The following PNKP variants were observed in gnomAD, a reference collection of about 807,000 sequenced individuals.
PNKP encodes bifunctional polynucleotide phosphatase/kinase.
Under a neutral mutation model 66.2 loss-of-function variants are expected in PNKP, and 82 were observed. The observed-to-expected ratio is 1.24, with a 90% CI of 1.04 to 1.49. PNKP has a LOEUF of 1.49. Ranked by LOEUF, PNKP falls within the 40% of genes most tolerant of loss-of-function variation. The pLI is 0.00. For synonymous variants in PNKP, 412 were observed against 298.9 expected, an observed-to-expected ratio of 1.38 and a Z score of -3.90; for missense variants, 907 against 706.8, an observed-to-expected ratio of 1.28 and a Z score of -3.21.
chr19:49,865,081 G>T, intron 4 of PNKP, 46 bp downstream of exon 4: 2 of 1,555,072 alleles, frequency 1.3e-6, no homozygotes, highest in South Asian at 1.1e-5. Context: ...CGTGGGATTG[G>T]GTCCCAGTCT....
chr19:49,866,969 A>C, intron 2 of PNKP, 85 bp downstream of exon 2: 6 of 1,361,882 alleles, frequency 4.4e-6, no homozygotes, highest in South Asian at 1.2e-5. Context: ...GCACCACTGC[A>C]ATCCCGCGTA....
intron 3 of PNKP, chr19:49,866,175 AT>A (rs1276391907): frequency 3.5e-6 from 2 of 574,576 alleles, no homozygotes; most frequent in African/African-American, 4.0e-5. Flanking sequence ...ATTCCCGCTA[AT>A]TTTTTAGAGA....
At position 49,865,218 on chromosome 19, in the gene PNKP, G is replaced by C. The variant is rs11555414; in HGVS notation, c.407C>G (p.Pro136Arg). ...SQDEKRDAEL[P>R]KKRMRKSNPG... The stretch of plus-strand genomic sequence containing the variant: ...GTTTGACTTCCGCATACGCTTCTTC[G>C]GCAGCTCAGCATCTCTCTTCTCATC... Residue 136 changes from proline (P) to arginine (R), a missense_variant, in exon 4 of 17, where the codon CCG (proline) becomes CGG (arginine). Transcript: ENST00000322344. The C allele has an allele frequency of 3.1e-6, 5 of 1,614,122 alleles. No homozygotes were observed. The Admixed American group carries it at 6.7e-5, about 22-fold the overall frequency.
chr19:49,862,892 C>T, intron 8 of PNKP, 154 bp from the exon 9 acceptor site: 1 of 796,298 alleles, frequency 1.3e-6, no homozygotes, highest in East Asian at 2.7e-5. Flanking sequence ...GCACCGTGCT[C>T]CTGGCCCCCT....
At chr19:49,865,768 C>CTA (rs1275156791) in intron 3 of PNKP, among the ~76,000 whole-genome samples, 11 of 151,766 alleles carry the variant, frequency 7.2e-5, no homozygotes, top group African/African-American at 2.4e-4. Context: ...CACCCGCCAC[C>CTA]ATGCCCCGCT....
Position 49,862,538 on chromosome 19 carries a change from C to G in PNKP, c.936G>C (p.Leu312=). The G allele has an allele frequency of 6.2e-7, 1 of 1,609,266 alleles. No homozygotes were observed. The highest frequency in any genetic ancestry group is 8.5e-7 in the Non-Finnish European group (1 of 1,177,766). ...KKKDFSCADR[L]FALNLGLPFA... ...GCGGGGCAGGGGGCAGGGGCCTCAC[C>G]AGGCGATCGGCGCAGGAGAAGTCTT... The change falls in exon 10 of 17, where the codon CTG becomes CTC. Residue 312 remains leucine, a splice_region_variant and synonymous_variant. Coordinates refer to ENST00000322344, the MANE Select transcript of PNKP (RefSeq NM_007254.4).
At chr19:49,866,562 T>C (rs753321084) in intron 2 of PNKP, 117 bp from the exon 3 acceptor site, 2 of 964,272 alleles carry the variant, frequency 2.1e-6, no homozygotes, top group Non-Finnish European at 3.4e-6. Context: ...GCAGTTTATT[T>C]CTACATGGGA....
intron 15 of PNKP, 21 bp from the exon 16 acceptor site, chr19:49,861,531 G>A: frequency 6.2e-7 from 1 of 1,612,138 alleles, no homozygotes; most frequent in East Asian, 2.2e-5. Context: ...CATCAGAGGG[G>A]CGGCAGGCCC....
chr19:49,861,904 A>C (rs754158913), intron 13 of PNKP, 23 bp from the exon 14 acceptor site: 7 of 1,579,164 alleles, frequency 4.4e-6, no homozygotes, highest in Non-Finnish European at 6.0e-6. Context: ...GAGGTCACAA[A>C]CAGATCGGCA....
Position 49,866,037 on chromosome 19 carries a change from G to A in PNKP, c.198+362C>T, listed in dbSNP as rs903770224. 6 of 349,378 alleles carry A rather than the reference G, an allele frequency of 1.7e-5. No individual in the cohort carries two copies. The East Asian group carries it at 3.4e-4, about 20-fold the overall frequency. 21.6% of individuals were successfully genotyped at this position (349,378 alleles called of 1,614,324 possible). A position where few individuals can be genotyped will look rare whatever the true frequency, so the allele number is the denominator to read the frequency against. On this transcript the variant is annotated intron_variant, in intron 3 of 16. Coordinates refer to ENST00000322344, the MANE Select transcript of PNKP (RefSeq NM_007254.4). Reference sequence around the variant, plus strand: ...TTTTTTCTTTTCTTTTTTTGAGACAGGTTCTCGCTCTGTCACCCAGGCTGA... The same window carrying A: ...TTTTTTCTTTTCTTTTTTTGAGACAAGTTCTCGCTCTGTCACCCAGGCTGA...
rs767881542 is a variant in PNKP, at chr19:49,862,742, CG to C, written c.817-5del. The C allele has an allele frequency of 8.7e-6, 14 of 1,614,066 alleles. No homozygotes were observed. The East Asian group carries it at 8.9e-5, about 10-fold the overall frequency. ...ATATGGGCGTGCCGTCGTTGGCCTACGGGAGACGGTAGTGAGGAGGCCCTTC... is the reference window on the plus strand; with the variant it reads ...ATATGGGCGTGCCGTCGTTGGCCTACGGAGACGGTAGTGAGGAGGCCCTTC... On this transcript the variant is annotated splice_polypyrimidine_tract_variant and splice_region_variant and intron_variant, in intron 8 of 16. Coordinates refer to ENST00000322344, the MANE Select transcript of PNKP (RefSeq NM_007254.4).
At chr19:49,864,672 C>G (rs980239333) in intron 4 of PNKP, among the ~76,000 whole-genome samples, 2 of 152,198 alleles carry the variant, frequency 1.3e-5, no homozygotes, top group Non-Finnish European at 2.9e-5. Context: ...TCTTACCCAG[C>G]CTCCTTCTTC....
chr19:49,864,663 C>G (rs927681545), intron 4 of PNKP, among the ~76,000 whole-genome samples: 1 of 152,212 alleles, frequency 6.6e-6, no homozygotes, highest in Non-Finnish European at 1.5e-5. Context: ...GGGTTAATGT[C>G]TTACCCAGCC....
chr19:49,867,157 A>AG lies in PNKP; in HGVS notation c.47dup (p.Gly17TrpfsTer42). ...GCAGGAAGATGGGGGGCGCTCCCCC[A>AG]GGGGGGCTCTCGAGCCACAAGCGGC... On this transcript the variant is annotated frameshift_variant, in exon 2 of 17. Transcript: ENST00000322344. LOFTEE classifies it high-confidence loss of function. The AG allele has an allele frequency of 5.7e-6, 9 of 1,585,486 alleles. No homozygotes were observed. The highest frequency in any genetic ancestry group is 2.3e-5 in the East Asian group (1 of 42,702).
At chr19:49,866,996 C>T in intron 2 of PNKP, 58 bp downstream of exon 2, 4 of 1,567,424 alleles carry the variant, frequency 2.6e-6, no homozygotes, top group Middle Eastern at 1.7e-4. Flanking sequence ...AAGCGTCCCT[C>T]TGGATTGTTC....
chr19:49,861,705 A>T lies in PNKP; in HGVS notation c.1299-10T>A. The stretch of plus-strand genomic sequence containing the variant: ...GGCACACTGGACGTACCTGTGGGGG[A>T]AGGAGCTGGATGTGCAGGCCCCGCC... On this transcript the variant is annotated splice_polypyrimidine_tract_variant and intron_variant, in intron 14 of 16. Transcript: ENST00000322344. 6.5e-7 allele frequency: 1 copy of T among 1,547,810 alleles called. No homozygotes were observed. The highest frequency in any genetic ancestry group is 8.7e-7 in the Non-Finnish European group (1 of 1,146,310).
At position 49,861,455 on chromosome 19, in the gene PNKP, C is replaced by A. The variant is rs1264212147; in HGVS notation, c.1442G>T (p.Gly481Val). The change falls in exon 16 of 17, where the codon GGC becomes GTC. Residue 481 changes from glycine (G) to valine (V), a missense_variant. Physicochemically the swap from Gly to Val is moderately radical, Grantham distance 109. Transcript: ENST00000322344. ...HIPVSDMVMY[G>V]YRKQFEAPTL... ...CTGCTATCCCCAACAGTACCTGTAG[C>A]CATACATGACCATGTCTGACACGGG... 1.9e-6 allele frequency: 3 copies of A among 1,614,044 alleles called. No individual in the cohort carries two copies. The highest frequency in any genetic ancestry group is 2.5e-6 in the Non-Finnish European group (3 of 1,179,926).
intron 3 of PNKP, chr19:49,865,949 AC>A (rs1335686270): frequency 7.1e-5 from 20 of 281,666 alleles, no homozygotes; most frequent in Non-Finnish European, 1.3e-4. Flanking sequence ...ACAGGTACCC[AC>A]CCCACTGAAA....
Position 49,861,894 on chromosome 19 carries a change from G to C in PNKP, c.1189-13C>G, listed in dbSNP as rs1390600891. 6.3e-7 allele frequency: 1 copy of C among 1,583,780 alleles called. No homozygotes were observed. The highest frequency in any genetic ancestry group is 8.6e-7 in the Non-Finnish European group (1 of 1,165,340). Reference sequence around the variant, plus strand: ...AGCCTAGCGTGTCCTGGGGACACGAGAGGTCACAAACAGATCGGCAGACCC... The same window carrying C: ...AGCCTAGCGTGTCCTGGGGACACGACAGGTCACAAACAGATCGGCAGACCC... On this transcript the variant is annotated splice_polypyrimidine_tract_variant and intron_variant, in intron 13 of 16. Transcript: ENST00000322344.
Sources: allele counts gnomAD v4.1 joint callset (sites outside exome capture counted in the v4.1 genomes callset), GRCh38; gene constraint gnomAD v4.1.1; transcripts MANE v1.5; gene names NCBI Gene and HGNC (gene_info 2026-07-23, HGNC 2026-07-21).